The following LRBA variants were observed in gnomAD, a reference collection of about 807,000 sequenced individuals.
LRBA encodes lipopolysaccharide-responsive and beige-like anchor protein.
A neutral mutation model predicts 330.0 loss-of-function variants in LRBA; 176 were observed. That is an observed-to-expected ratio of 0.53 (90% CI 0.47 to 0.60). LRBA has a LOEUF of 0.60. LRBA is among the 20% of genes least tolerant of loss of function. The pLI, the probability that LRBA is intolerant of heterozygous loss-of-function variation, is 0.00. For missense variants in LRBA, 3,259 were observed against 3,444.8 expected (o/e 0.95, Z 1.35); for synonymous variants, 1,230 against 1,193.0 (o/e 1.03, Z -0.64).
chr4:150,526,951 C>T (rs913552236), intron 40 of LRBA, among the ~76,000 whole-genome samples: 8 of 151,470 alleles, frequency 5.3e-5, no homozygotes, highest in Non-Finnish European at 1.0e-4. Context: ...TATCACAATT[C>T]GTTGATACGC....
At position 150,902,369 on chromosome 4, in the gene LRBA, T is replaced by C. The variant is rs143480615; in HGVS notation, c.1756-2152A>G. Among the ~76,000 whole-genome samples the C allele has an allele frequency of 7.3e-4, 110 of 151,186 alleles. No homozygotes were observed. The East Asian group carries it at 0.011, about 15-fold the overall frequency. ...CATTAAAATAACTGAAAAACTTTTC[T>C]TTTTTTTTAATACTGATGCCTGAGT... On this transcript the variant is annotated intron_variant, in intron 13 of 56. Coordinates refer to ENST00000651943, the MANE Select transcript of LRBA (RefSeq NM_001364905.1).
intron 37 of LRBA, chr4:150,679,444 A>C (rs970161137): frequency 3.9e-5 from 6 of 152,234 alleles, no homozygotes; most frequent in African/African-American, 1.4e-4. Context: ...TCACAAGGCC[A>C]ATCAATACAG....
chr4:150,655,764 A>G (rs1780121675), intron 37 of LRBA, among the ~76,000 whole-genome samples: 1 of 152,222 alleles, frequency 6.6e-6, no homozygotes, highest in Non-Finnish European at 1.5e-5. Flanking sequence ...ATGAAAAATA[A>G]TTATCATTTA....
At chr4:150,699,928 T>G (rs1172671025) in intron 36 of LRBA, among the ~76,000 whole-genome samples, 1 of 152,138 alleles carries the variant, frequency 6.6e-6, no homozygotes, top group Non-Finnish European at 1.5e-5. Flanking sequence ...TGAGTATCCC[T>G]TATCCAAAAA....
At chr4:150,770,032 A>ATC (rs1247735831) in intron 34 of LRBA, among the ~76,000 whole-genome samples, 1 of 152,174 alleles carries the variant, frequency 6.6e-6, no homozygotes, top group African/African-American at 2.4e-5. Flanking sequence ...TCAGCATTTG[A>ATC]AGTGGTAAAG....
chr4:150,728,497 A>C (rs1343064481), intron 36 of LRBA, among the ~76,000 whole-genome samples: 1 of 152,182 alleles, frequency 6.6e-6, no homozygotes, highest in East Asian at 1.9e-4. Context: ...GTCATTAATC[A>C]TGACCAAGTG....
intron 40 of LRBA, among the ~76,000 whole-genome samples, chr4:150,555,677 G>A (rs928017998): frequency 1.3e-5 from 2 of 151,694 alleles, no homozygotes; most frequent in Non-Finnish European, 2.9e-5. Flanking sequence ...CTTGAACCCA[G>A]CAGGCAGAGC....
At chr4:150,843,967 G>T in intron 28 of LRBA, 133 bp downstream of exon 28, 1 of 549,078 alleles carries the variant, frequency 1.8e-6, no homozygotes. Context: ...ATTGTCAAAA[G>T]AAGTCGTTTC....
At chr4:150,552,111 GAC>G (rs1490326006) in intron 40 of LRBA, among the ~76,000 whole-genome samples, 8 of 152,142 alleles carry the variant, frequency 5.3e-5, no homozygotes, top group African/African-American at 1.7e-4. Flanking sequence ...CAGCTGATCT[GAC>G]AGGAGGCAGA....
chr4:150,576,042 G>A (rs1770496777), intron 40 of LRBA, among the ~76,000 whole-genome samples: 1 of 151,704 alleles, frequency 6.6e-6, no homozygotes, highest in Non-Finnish European at 1.5e-5. Flanking sequence ...AAAGTTAACA[G>A]TTGGCTCTAC....
chr4:150,844,064 G>T, intron 28 of LRBA, 36 bp downstream of exon 28: 1 of 1,290,798 alleles, frequency 7.7e-7, no homozygotes, highest in Non-Finnish European at 1.1e-6. Flanking sequence ...ATATGCATCA[G>T]TTAAGAGAGT....
intron 48 of LRBA, among the ~76,000 whole-genome samples, chr4:150,328,818 C>T (rs1733630669): frequency 6.6e-6 from 1 of 152,098 alleles, no homozygotes; most frequent in African/African-American, 2.4e-5. Flanking sequence ...AGAGAATGGG[C>T]AGTAACGCCA....
At chr4:150,625,043 G>T (rs1776712305) in intron 37 of LRBA, among the ~76,000 whole-genome samples, 2 of 152,102 alleles carry the variant, frequency 1.3e-5, no homozygotes, top group Non-Finnish European at 2.9e-5. Context: ...GTTTTTGGAA[G>T]ACACAAATTG....
At chr4:150,723,637 G>A (rs911069207) in intron 36 of LRBA, among the ~76,000 whole-genome samples, 2 of 152,168 alleles carry the variant, frequency 1.3e-5, no homozygotes, top group African/African-American at 4.8e-5. Context: ...TCCCAGCTAT[G>A]GTGCCTACAG....
intron 40 of LRBA, among the ~76,000 whole-genome samples, chr4:150,565,417 G>T (rs1358104199): frequency 2.0e-5 from 3 of 151,930 alleles, no homozygotes; most frequent in Non-Finnish European, 4.4e-5. Flanking sequence ...CTAGGTGATG[G>T]GTTGATGGGT....
intron 47 of LRBA, among the ~76,000 whole-genome samples, chr4:150,350,825 T>C (rs1238145563): frequency 6.6e-6 from 1 of 152,192 alleles, no homozygotes; most frequent in Non-Finnish European, 1.5e-5. Context: ...AAAGACTATT[T>C]TGGGAAACTA....
chr4:150,485,149 A>G (rs1439625520), intron 42 of LRBA, among the ~76,000 whole-genome samples: 1 of 151,994 alleles, frequency 6.6e-6, no homozygotes, highest in Non-Finnish European at 1.5e-5. Flanking sequence ...GGTGGTTAAT[A>G]ATGTTCCAGT....
At chr4:150,696,875 A>G (rs1244408170) in intron 36 of LRBA, among the ~76,000 whole-genome samples, 2 of 151,154 alleles carry the variant, frequency 1.3e-5, no homozygotes, top group African/African-American at 4.9e-5. Context: ...TTAGCCGGGC[A>G]TGGTGGCACA....
chr4:150,312,993 A>G lies in LRBA; in HGVS notation c.7693+2568T>C, dbSNP rs949378841. On this transcript the variant is annotated intron_variant, in intron 51 of 56. Coordinates refer to ENST00000651943, the MANE Select transcript of LRBA (RefSeq NM_001364905.1). ...CTTTATAATATAATTAAATAAATAC[A>G]TTAATATTTGTAATAATCACTCAAT... Among the ~76,000 whole-genome samples the G allele has an allele frequency of 2.6e-5, 4 of 151,974 alleles. 1 individual carries two copies. Among genetic ancestry groups the G allele is most frequent in the Admixed American group, 6.6e-5 (1 of 15,258 alleles).
Sources: gnomAD v4.1 joint callset for allele counts (sites outside exome capture counted in the v4.1 genomes callset) on GRCh38, gnomAD v4.1.1 for gene constraint, MANE v1.5 for transcripts, NCBI Gene and HGNC (gene_info 2026-07-23, HGNC 2026-07-21) for gene names.